Variants in SGPL1 observed in about 807,000 individuals in gnomAD.
SGPL1 encodes sphingosine-1-phosphate lyase 1, also known as SP-lyase 1.
In SGPL1, 37 loss-of-function variants were observed where a neutral mutation model predicts 68.9. The ratio of observed to expected loss-of-function variants is 0.54; its 90% CI spans 0.41 to 0.71. The LOEUF is 0.71. SGPL1 is among the 30% of genes least tolerant of loss of function. The pLI, the probability that SGPL1 is intolerant of heterozygous loss-of-function variation, is 0.00. For missense variants in SGPL1, 551 were observed against 704.6 expected (o/e 0.78, Z 2.47); for synonymous variants, 236 against 248.5 (o/e 0.95, Z 0.47).
Position 70,879,456 on chromosome 10 carries a change from T to TGTA in SGPL1, c.*2122_*2124dup, listed in dbSNP as rs1846461875. 6.5e-6 allele frequency: 1 copy of TGTA among 153,204 alleles called. No homozygotes were observed. The allele number at this position is 153,204 out of a possible 1,614,324, so 9.5% of individuals were successfully genotyped here. On this transcript the variant is annotated 3_prime_UTR_variant, in exon 15 of 15. Coordinates refer to ENST00000373202, the MANE Select transcript of SGPL1 (RefSeq NM_003901.4). The stretch of plus-strand genomic sequence containing the variant: ...GTGGGTTCCAAGAGTGGGTAGTGTG[T>TGTA]GTATGTGTGTGTGTCAGAGGGAGAC...
At chr10:70,874,529 A>T (rs1846352360) in intron 12 of SGPL1, among the ~76,000 whole-genome samples, 1 of 152,196 alleles carries the variant, frequency 6.6e-6, no homozygotes, top group South Asian at 2.1e-4. Context: ...GTTCAAGACC[A>T]GCCTGACCAA....
intron 5 of SGPL1, among the ~76,000 whole-genome samples, chr10:70,856,401 A>T (rs1048101650): frequency 1.3e-5 from 2 of 152,248 alleles, no homozygotes; most frequent in African/African-American, 4.8e-5. Context: ...AGCAGTGGTT[A>T]GCACTCTAAA....
intron 7 of SGPL1, among the ~76,000 whole-genome samples, chr10:70,865,084 G>C (rs1339649826): frequency 2.0e-5 from 3 of 152,240 alleles, no homozygotes; most frequent in African/African-American, 7.2e-5. Flanking sequence ...AACCCCCTCA[G>C]CTTGCCTCTG....
intron 3 of SGPL1, 133 bp downstream of exon 3, chr10:70,844,771 C>T: frequency 2.4e-6 from 2 of 820,464 alleles, no homozygotes; most frequent in South Asian, 3.6e-5. Context: ...GACGGAGTCT[C>T]CATCTGTTGC....
In SGPL1 at chr10:70,880,696, C is replaced by G. The variant is rs771494008; in HGVS notation, c.*3361C>G. The G allele has an allele frequency of 2.6e-5, 4 of 152,214 alleles. No homozygotes were observed. Among genetic ancestry groups the G allele is most frequent in the Admixed American group, 1.3e-4 (2 of 15,288 alleles). The allele number at this position is 152,214 out of a possible 1,614,324, so 9.4% of individuals were successfully genotyped here. A position where few individuals can be genotyped will look rare whatever the true frequency, so the allele number is the denominator to read the frequency against. On this transcript the variant is annotated 3_prime_UTR_variant, in exon 15 of 15. Coordinates refer to ENST00000373202, the MANE Select transcript of SGPL1 (RefSeq NM_003901.4). ...GAAGGCTGTCATTCAGATAACCCAG[C>G]TTTTCCTTTTGGCTTTTAGCCCATT... is the stretch of plus-strand genomic sequence containing the variant.
chr10:70,871,339 TG>T (rs368490553), intron 10 of SGPL1, among the ~76,000 whole-genome samples, 193 bp downstream of exon 10: 23 of 152,266 alleles, frequency 1.5e-4, no homozygotes, highest in Non-Finnish European at 2.9e-4. Context: ...GTCTCTGCTG[TG>T]GGGGAAGATA....
intron 11 of SGPL1, 83 bp downstream of exon 11, chr10:70,872,069 G>T: frequency 7.4e-7 from 1 of 1,354,194 alleles, no homozygotes; most frequent in Non-Finnish European, 1.0e-6. Context: ...TCCCCGCAAA[G>T]TATAAAATTA....
chr10:70,853,469 G>GCC (rs1438318190), intron 4 of SGPL1, among the ~76,000 whole-genome samples: 1 of 152,158 alleles, frequency 6.6e-6, no homozygotes, highest in Non-Finnish European at 1.5e-5. Flanking sequence ...ATAAGCAGCA[G>GCC]CCCCTGCCCT....
At chr10:70,829,236 T>C (rs901884191) in intron 2 of SGPL1, among the ~76,000 whole-genome samples, 2 of 152,168 alleles carry the variant, frequency 1.3e-5, no homozygotes, top group African/African-American at 2.4e-5. Flanking sequence ...CTCGCAGCCT[T>C]CTGATTGATT....
At chr10:70,817,961 G>A (rs573409294) in intron 2 of SGPL1, among the ~76,000 whole-genome samples, 19 of 152,304 alleles carry the variant, frequency 1.2e-4, no homozygotes, top group African/African-American at 3.4e-4. Context: ...GAAGAATAGC[G>A]TTGCTAAATG....
Position 70,875,447 on chromosome 10 carries a change from G to A in SGPL1, c.1344G>A (p.Leu448=). 6.2e-7 allele frequency: 1 copy of A among 1,612,090 alleles called. No homozygotes were observed. Among genetic ancestry groups the A allele is most frequent in the Non-Finnish European group, 8.5e-7 (1 of 1,178,216 alleles). The part of the protein sequence containing the change: ...KGIFVFGNPQ[L]SVIALGSRDF... The stretch of plus-strand genomic sequence containing the variant: ...TCTTTGTTTTTGGGAATCCCCAATT[G>A]TCAGTCATTGCTCTGGGATCCCGTG... The change falls in exon 13 of 15, where the codon TTG becomes TTA. Residue 448 remains leucine (L), a synonymous_variant. Coordinates refer to ENST00000373202, the MANE Select transcript of SGPL1 (RefSeq NM_003901.4).
chr10:70,872,536 T>C (rs532419464), intron 11 of SGPL1, among the ~76,000 whole-genome samples: 1 of 152,250 alleles, frequency 6.6e-6, no homozygotes. Context: ...CTAGATCAGT[T>C]GATAACGCTA....
intron 13 of SGPL1, among the ~76,000 whole-genome samples, chr10:70,876,201 T>C (rs1846381733): frequency 6.6e-6 from 1 of 152,130 alleles, no homozygotes; most frequent in African/African-American, 2.4e-5. Flanking sequence ...TGAGAGCACA[T>C]GGGGGCTGAT....
intron 7 of SGPL1, among the ~76,000 whole-genome samples, chr10:70,864,320 T>C (rs1359191550): frequency 2.0e-5 from 3 of 152,222 alleles, no homozygotes. Context: ...TTTGGTTGCC[T>C]CTGGCCAGAT....
At chr10:70,847,301 A>C (rs981860939) in intron 3 of SGPL1, among the ~76,000 whole-genome samples, 2 of 152,052 alleles carry the variant, frequency 1.3e-5, no homozygotes, top group African/African-American at 2.4e-5. Flanking sequence ...GGTGCCCACT[A>C]TCACGCCTGC....
At chr10:70,861,674 G>A (rs554763043) in intron 7 of SGPL1, among the ~76,000 whole-genome samples, 1 of 152,198 alleles carries the variant, frequency 6.6e-6, no homozygotes, top group Non-Finnish European at 1.5e-5. Flanking sequence ...AGGGCTGCGC[G>A]CAGCGCTTGC....
intron 2 of SGPL1, among the ~76,000 whole-genome samples, chr10:70,827,384 A>G (rs930890157): frequency 3.3e-5 from 5 of 152,106 alleles, no homozygotes; most frequent in African/African-American, 1.2e-4. Flanking sequence ...TTATTAATAG[A>G]TTTTGCTGTA....
chr10:70,825,159 G>C (rs950629342), intron 2 of SGPL1, among the ~76,000 whole-genome samples: 1 of 152,070 alleles, frequency 6.6e-6, no homozygotes, highest in African/African-American at 2.4e-5. Flanking sequence ...AACTTTGAGA[G>C]AGTTGAGATG....
intron 2 of SGPL1, among the ~76,000 whole-genome samples, chr10:70,840,379 C>T (rs1332934867): frequency 6.6e-6 from 1 of 152,028 alleles, no homozygotes; most frequent in Admixed American, 6.6e-5. Context: ...TAGAGTATTG[C>T]ATCAGGACCC....
Sources: allele counts gnomAD v4.1 joint callset (sites outside exome capture counted in the v4.1 genomes callset), GRCh38; gene constraint gnomAD v4.1.1; transcripts MANE v1.5; gene names NCBI Gene and HGNC (gene_info 2026-07-23, HGNC 2026-07-21).